KAZN: variants seen among roughly 807,000 people sequenced by gnomAD.
The protein encoded by KAZN is kazrin, periplakin interacting protein, also known as kazrin.
A neutral mutation model predicts 87.4 loss-of-function variants in KAZN; 40 were observed. The observed-to-expected ratio is 0.46, with a 90% CI of 0.36 to 0.60. The LOEUF is 0.60. Ranked by LOEUF, KAZN falls within the 20% of genes least tolerant of loss-of-function variation. The probability of loss-of-function intolerance (pLI) is 0.00; values close to 1 mark genes in which losing one functional copy is unlikely to be tolerated. For missense variants in KAZN, 898 were observed against 1,073.9 expected, an observed-to-expected ratio of 0.84 and a Z score of 2.29; for synonymous variants, 466 against 458.3, an observed-to-expected ratio of 1.02 and a Z score of -0.22.
intron 2 of KAZN, among the ~76,000 whole-genome samples, chr1:14,371,636 A>C (rs192979416): frequency 6.6e-6 from 1 of 152,298 alleles, no homozygotes; most frequent in Admixed American, 6.5e-5. Flanking sequence ...TCCATAAAGC[A>C]CATGACAAGA....
chr1:13,953,963 G>A (rs1459984511), intron 1 of KAZN, among the ~76,000 whole-genome samples: 1 of 152,120 alleles, frequency 6.6e-6, no homozygotes, highest in Admixed American at 6.5e-5. Context: ...ACCATGGCAG[G>A]TTTGCCATTA....
chr1:15,067,638 A>G (rs1012501468), intron 8 of KAZN: 1 of 985,340 alleles, frequency 1.0e-6, no homozygotes, highest in African/African-American at 1.7e-5. Flanking sequence ...CTCTATCAGA[A>G]GGCATAGGAC....
At chr1:14,104,509 A>G (rs1644327739) in intron 1 of KAZN, among the ~76,000 whole-genome samples, 2 of 152,206 alleles carry the variant, frequency 1.3e-5, no homozygotes, top group African/African-American at 2.4e-5. Flanking sequence ...GCTGAAAAAC[A>G]AAGAAGAGGG....
intron 2 of KAZN, among the ~76,000 whole-genome samples, chr1:14,461,622 C>G (rs10927439): frequency 0.11 from 16,609 of 152,098 alleles, 1,062 homozygotes; most frequent in Middle Eastern, 0.21. Flanking sequence ...AATTTAAGTG[C>G]AATTAGTTTA....
chr1:14,687,833 G>C (rs1261414734), intron 1 of KAZN, among the ~76,000 whole-genome samples: 3 of 152,202 alleles, frequency 2.0e-5, no homozygotes, highest in African/African-American at 7.2e-5. Context: ...CTGTTCTGCA[G>C]TTTTAATTAT....
chr1:14,149,011 G>A (rs535412985), intron 1 of KAZN, among the ~76,000 whole-genome samples: 125 of 151,516 alleles, frequency 8.2e-4, no homozygotes, highest in African/African-American at 2.6e-3. Flanking sequence ...GGTGGAGATC[G>A]GAGCCAGTGC....
At chr1:14,435,087 C>A (rs1349944530) in intron 2 of KAZN, among the ~76,000 whole-genome samples, 2 of 152,144 alleles carry the variant, frequency 1.3e-5, no homozygotes, top group Non-Finnish European at 2.9e-5. Flanking sequence ...CAATTCTATT[C>A]TCCTGCCAGT....
chr1:15,060,412 A>T, intron 6 of KAZN, 110 bp downstream of exon 6: 1 of 1,399,146 alleles, frequency 7.1e-7, no homozygotes, highest in Non-Finnish European at 1.0e-6. Context: ...CCACCCAGGG[A>T]GCACTCTGGC....
chr1:14,886,696 C>T (rs1258191185), intron 1 of KAZN, among the ~76,000 whole-genome samples: 5 of 151,970 alleles, frequency 3.3e-5, no homozygotes, highest in East Asian at 3.9e-4. Context: ...GAGGCTGAGG[C>T]GGGAGAATCG....
At chr1:15,031,293 C>A (rs995303469) in intron 2 of KAZN, among the ~76,000 whole-genome samples, 1 of 152,214 alleles carries the variant, frequency 6.6e-6, no homozygotes, top group African/African-American at 2.4e-5. Flanking sequence ...CATAGAGTTG[C>A]TTTGCCTCCC....
intron 1 of KAZN, among the ~76,000 whole-genome samples, chr1:14,704,989 A>G (rs371079046): frequency 6.6e-6 from 1 of 152,200 alleles, no homozygotes; most frequent in Non-Finnish European, 1.5e-5. Flanking sequence ...ATCTAGCCAC[A>G]TGGTTTCTAT....
rs116043446 is a variant in KAZN, at chr1:14,780,133, A to C, written c.227-180551A>C. On this transcript the variant is annotated intron_variant, in intron 1 of 14. Transcript: ENST00000376030. ...GAAAGCTTTTAGGGCATCAGAACCA[A>C]TTTTGAGCTAAACGTGTTTCTTCTT... is the stretch of plus-strand genomic sequence containing the variant. 7.3e-3 allele frequency among the ~76,000 whole-genome samples: 1,110 copies of C among 152,326 alleles called. 17 individuals carry two copies. The highest frequency in any genetic ancestry group is 0.026 in the African/African-American group (1,062 of 41,574).
chr1:14,741,675 C>G (rs1389346230), intron 1 of KAZN, among the ~76,000 whole-genome samples: 2 of 152,190 alleles, frequency 1.3e-5, no homozygotes, highest in Non-Finnish European at 1.5e-5. Flanking sequence ...GCACTTCCCC[C>G]CGGGGTTTCA....
At chr1:14,501,876 T>C (rs1302135658) in intron 2 of KAZN, among the ~76,000 whole-genome samples, 1 of 152,196 alleles carries the variant, frequency 6.6e-6, no homozygotes, top group Non-Finnish European at 1.5e-5. Context: ...AATCCAGTCA[T>C]ATTGTATGAT....
Position 14,820,706 on chromosome 1 carries a change from A to C in KAZN, c.227-139978A>C, listed in dbSNP as rs1646714681. Among the ~76,000 whole-genome samples, 1 of 152,182 alleles carries C rather than the reference A, an allele frequency of 6.6e-6. No homozygotes were observed. The highest frequency in any genetic ancestry group is 1.5e-5 in the Non-Finnish European group (1 of 68,038). On this transcript the variant is annotated intron_variant, in intron 1 of 14. Coordinates refer to ENST00000376030, the MANE Select transcript of KAZN (RefSeq NM_201628.3). The surrounding 1 kb of genome is among the most constrained non-coding windows in gnomAD (Gnocchi z 4.1). ...AGGGAGGTATTCCTGTCTTGAGCAG[A>C]AGGTAAAGGTAGAAGGTGCAGATTA...
intron 2 of KAZN, among the ~76,000 whole-genome samples, chr1:14,339,954 C>T (rs952498929): frequency 6.6e-6 from 1 of 152,214 alleles, no homozygotes; most frequent in Non-Finnish European, 1.5e-5. Context: ...TATCGTCTTA[C>T]CCTGCTGCTT....
chr1:14,310,093 T>C (rs1571274929), intron 2 of KAZN, among the ~76,000 whole-genome samples: 1 of 151,596 alleles, frequency 6.6e-6, no homozygotes, highest in Non-Finnish European at 1.5e-5. Context: ...AAGGCAGGAG[T>C]CAGGGATGAC....
intron 2 of KAZN, among the ~76,000 whole-genome samples, chr1:14,452,862 T>C (rs985143930): frequency 1.3e-5 from 2 of 152,172 alleles, no homozygotes; most frequent in African/African-American, 4.8e-5. Flanking sequence ...CTCAAATGCA[T>C]ACAGGAGCCA....
intron 2 of KAZN, among the ~76,000 whole-genome samples, chr1:14,579,732 G>C (rs770524357): frequency 2.0e-5 from 3 of 151,988 alleles, no homozygotes; most frequent in Admixed American, 6.6e-5. Context: ...GATTCAGAAC[G>C]AACGGGAACA....
Sources: gnomAD v4.1 joint callset for allele counts (sites outside exome capture counted in the v4.1 genomes callset) on GRCh38, gnomAD v4.1.1 for gene constraint, Gnocchi (gnomAD v3.1) non-coding constraint, MANE v1.5 for transcripts, NCBI Gene and HGNC (gene_info 2026-07-23, HGNC 2026-07-21) for gene names.